PNPLA7: variants seen among roughly 807,000 people sequenced by gnomAD.
The protein encoded by PNPLA7 is patatin-like phospholipase domain-containing protein 7.
In PNPLA7, 153 loss-of-function variants were observed where a neutral mutation model predicts 161.7. The ratio of observed to expected loss-of-function variants is 0.95; its 90% CI spans 0.83 to 1.08. PNPLA7 has a LOEUF of 1.08. PNPLA7 is among the 50% of genes least tolerant of loss of function. The probability of loss-of-function intolerance (pLI) is 0.00; values close to 1 mark genes in which losing one functional copy is unlikely to be tolerated. For synonymous variants in PNPLA7, 809 were observed against 782.1 expected (o/e 1.03, Z -0.57); for missense variants, 1,739 against 1,856.6 (o/e 0.94, Z 1.16).
At chr9:137,487,443 C>T (rs1832544007) in intron 20 of PNPLA7, among the ~76,000 whole-genome samples, 1 of 152,234 alleles carries the variant, frequency 6.6e-6, no homozygotes, top group Non-Finnish European at 1.5e-5. Flanking sequence ...GAGTAAATAC[C>T]CAAACCGGCA....
rs1424258378 is a variant in PNPLA7 at position 137,460,638 on chromosome 9, T to A, written c.3941A>T (p.Asp1314Val). The A allele has an allele frequency of 2.5e-6, 4 of 1,612,038 alleles. No individual in the cohort carries two copies. Among genetic ancestry groups the A allele is most frequent in the South Asian group, 1.1e-5 (1 of 91,014 alleles). Residue 1314 changes from aspartate (D) to valine (V), a missense_variant, in exon 34 of 35, where the codon GAC becomes GTC. Transcript: ENST00000406427. ...FQSTSAQQGS[D>V]LEDESSLRHR... is the part of the protein sequence containing the mutation. ...GGACCATGCCCAGCTCCTCACCAAGTCTGAGCCCTGCTGGGCTGAGGTGCT... is the reference window on the plus strand; with the variant it reads ...GGACCATGCCCAGCTCCTCACCAAGACTGAGCCCTGCTGGGCTGAGGTGCT...
At chr9:137,528,610 T>C (rs1588687641) in intron 8 of PNPLA7, among the ~76,000 whole-genome samples, 2 of 151,178 alleles carry the variant, frequency 1.3e-5, no homozygotes, top group South Asian at 2.1e-4. Context: ...CTTGGTAATA[T>C]TCCTTCATCT....
At chr9:137,511,913 A>G (rs551791521) in intron 12 of PNPLA7, among the ~76,000 whole-genome samples, 1 of 152,290 alleles carries the variant, frequency 6.6e-6, no homozygotes, top group South Asian at 2.1e-4. Flanking sequence ...GCCCCCTGTC[A>G]CGTGGACAGG....
intron 4 of PNPLA7, among the ~76,000 whole-genome samples, chr9:137,544,603 C>G (rs1401949486): frequency 5.3e-5 from 8 of 152,186 alleles, no homozygotes; most frequent in Non-Finnish European, 8.8e-5. Context: ...ACACCCACAT[C>G]CCTCCCCTCT....
intron 25 of PNPLA7, among the ~76,000 whole-genome samples, chr9:137,471,511 T>C (rs978375950): frequency 6.6e-6 from 1 of 151,044 alleles, no homozygotes; most frequent in Non-Finnish European, 1.5e-5. Flanking sequence ...AGACAGAGAA[T>C]TGCTTGAACC....
At chr9:137,492,478 C>T (rs1156269185) in intron 20 of PNPLA7, among the ~76,000 whole-genome samples, 1 of 98,846 alleles carries the variant, frequency 1.0e-5, no homozygotes, top group Non-Finnish European at 2.1e-5. Flanking sequence ...CATGGGTGGG[C>T]GGGGCTCCAG....
At chr9:137,484,864 C>T (rs932801097) in intron 20 of PNPLA7, 128 bp from the exon 21 acceptor site, 6 of 1,151,832 alleles carry the variant, frequency 5.2e-6, no homozygotes, top group African/African-American at 1.6e-5. Context: ...GGCCCTCCCG[C>T]CTCCCCAGTC....
rs980298555 is a variant in PNPLA7, at chr9:137,481,020, G to A, written c.2351C>T (p.Pro784Leu). Residue 784 changes from proline (P) to leucine (L), a missense_variant, in exon 22 of 35, where the codon CCG (proline) becomes CTG (leucine). Transcript: ENST00000406427. ...ELEHALSAIG[P>L]TLLLTSDNIK... ...GTTGTCACTAGTCAGCAGCAGGGTC[G>A]GGCCTGAAAACACCACCACCAGTAA... The A allele has an allele frequency of 3.8e-5, 59 of 1,551,504 alleles. No homozygotes were observed. The highest frequency in any genetic ancestry group is 1.8e-4 in the African/African-American group (13 of 73,038).
chr9:137,497,270 C>T lies in PNPLA7; in HGVS notation c.1930G>A (p.Gly644Ser), dbSNP rs537805357. ...TTCCGGATCACAGAGCGCAGCCGGC[C>T]GCTGAGCATGATGTACGTGCAGTCG... is the stretch of plus-strand genomic sequence containing the variant. ...KSDCTYIMLS[G>S]RLRSVIRKDD... The change falls in exon 18 of 35, where the codon GGC (glycine) becomes AGC (serine). Residue 644 changes from glycine (G) to serine (S), a missense_variant. Physicochemically the swap from Gly to Ser is moderately conservative, Grantham distance 56. Around this residue, in one of 6 missense-constraint regions of PNPLA7, gnomAD observed 481 missense variants for 450.0 expected, o/e 1.07. Coordinates refer to ENST00000406427, the MANE Select transcript of PNPLA7 (RefSeq NM_001098537.3). 9.4e-6 allele frequency: 15 copies of T among 1,588,522 alleles called. No homozygotes were observed. Among genetic ancestry groups the T allele is most frequent in the South Asian group, 6.9e-5 (6 of 87,032 alleles).
chr9:137,538,046 T>G (rs1835987486), intron 8 of PNPLA7, among the ~76,000 whole-genome samples: 1 of 151,998 alleles, frequency 6.6e-6, no homozygotes, highest in Non-Finnish European at 1.5e-5. Context: ...CCACCTCAGC[T>G]CCAGAGACAC....
chr9:137,461,855 G>A (rs553682830), intron 32 of PNPLA7, 76 bp downstream of exon 32: 4 of 1,425,754 alleles, frequency 2.8e-6, no homozygotes, highest in African/African-American at 1.4e-5. Flanking sequence ...GTGGCCTGAT[G>A]AACTGGGCGT....
intron 1 of PNPLA7, among the ~76,000 whole-genome samples, chr9:137,549,808 A>C (rs1195428533): frequency 6.6e-6 from 1 of 152,076 alleles, no homozygotes; most frequent in East Asian, 1.9e-4. Flanking sequence ...ACACAGAAAA[A>C]GGTTCTAAGC....
Position 137,468,515 on chromosome 9 carries a change from C to T in PNPLA7, c.2883-1042G>A, listed in dbSNP as rs1358299040. On this transcript the variant is annotated intron_variant, in intron 25 of 34. Transcript: ENST00000406427. The surrounding 1 kb of genome is among the most constrained non-coding windows in gnomAD (Gnocchi z 4.0). ...AGCACCCAGCTCTAAGGAGGGAGCT[C>T]GGATGCAAGCCACAGCTGGGGGGGA... Among the ~76,000 whole-genome samples the T allele has an allele frequency of 2.0e-5, 3 of 152,146 alleles. No homozygotes were observed. The highest frequency in any genetic ancestry group is 4.8e-5 in the African/African-American group (2 of 41,432).
At chr9:137,494,933 A>T in intron 19 of PNPLA7, 100 bp downstream of exon 19, 2 of 1,106,944 alleles carry the variant, frequency 1.8e-6, no homozygotes, top group Non-Finnish European at 2.6e-6. Context: ...CCGCGCCCTC[A>T]CCTGCTCTGT....
Position 137,462,033 on chromosome 9 carries a change from G to T in PNPLA7, c.3654C>A (p.Gly1218=), listed in dbSNP as rs746019508. 6.3e-7 allele frequency: 1 copy of T among 1,595,178 alleles called. No homozygotes were observed. Among genetic ancestry groups the T allele is most frequent in the South Asian group, 1.1e-5 (1 of 88,802 alleles). Residue 1218 remains glycine (G), a synonymous_variant, in exon 32 of 35, where the codon GGC becomes GGA. Coordinates refer to ENST00000406427, the MANE Select transcript of PNPLA7 (RefSeq NM_001098537.3). ...CAAACACCGTGCGCCCGTGCTGGTA[G>T]CCCACTTCCTGTGCACACCCCCAGG... is the stretch of plus-strand genomic sequence containing the variant. The part of the protein sequence containing the change: ...FGKFNEICEV[G]YQHGRTVFDI...
chr9:137,512,041 C>T (rs555815505), intron 12 of PNPLA7, among the ~76,000 whole-genome samples: 29 of 152,328 alleles, frequency 1.9e-4, no homozygotes, highest in African/African-American at 6.7e-4. Context: ...CCGGACTCTG[C>T]GCACTGGTGG....
At position 137,547,272 on chromosome 9, in the gene PNPLA7, C is replaced by T. The variant is rs926651465; in HGVS notation, c.193+37G>A. ...ATCCCAAGACACCCACGCTTTCCCC[C>T]AACCCCCCGGGCCAGAGTCGGAACC... On this transcript the variant is annotated intron_variant, in intron 3 of 34. Transcript: ENST00000406427. The surrounding 1 kb of genome is among the most constrained non-coding windows in gnomAD (Gnocchi z 4.6). The T allele has an allele frequency of 1.3e-6, 2 of 1,599,756 alleles. No individual in the cohort carries two copies. The highest frequency in any genetic ancestry group is 1.7e-6 in the Non-Finnish European group (2 of 1,167,788).
chr9:137,492,615 C>T (rs1380991599), intron 20 of PNPLA7, among the ~76,000 whole-genome samples: 1 of 71,382 alleles, frequency 1.4e-5, no homozygotes, highest in Non-Finnish European at 2.7e-5. Flanking sequence ...CAGGATAGGG[C>T]AGGGCCCATG....
rs1184614915 is a variant in PNPLA7 at position 137,492,137 on chromosome 9, T to C, written c.2197+876A>G. 4 of 985,114 alleles carry C rather than the reference T, an allele frequency of 4.1e-6. No homozygotes were observed. The African/African-American group carries it at 7.0e-5, about 17-fold the overall frequency. 61.0% of individuals were successfully genotyped at this position (985,114 alleles called of 1,614,324 possible). A position where few individuals can be genotyped will look rare whatever the true frequency, so the allele number is the denominator to read the frequency against. On this transcript the variant is annotated intron_variant, in intron 20 of 34. Coordinates refer to ENST00000406427, the MANE Select transcript of PNPLA7 (RefSeq NM_001098537.3). ...TGGTGAGAGAGGACAGCCTGAGAGC[T>C]AACAGTGGCTCCAGAAAAAAGTACA...
Sources: gnomAD v4.1 joint callset for allele counts (sites outside exome capture counted in the v4.1 genomes callset) on GRCh38, gnomAD v4.1.1 for gene constraint, gnomAD v4.1.1 regional missense constraint, Gnocchi (gnomAD v3.1) non-coding constraint, MANE v1.5 for transcripts, NCBI Gene and HGNC (gene_info 2026-07-23, HGNC 2026-07-21) for gene names.